The following CAMTA1 variants were observed in gnomAD, a reference collection of about 807,000 sequenced individuals.
CAMTA1 encodes the protein calmodulin binding transcription activator 1, also known as calmodulin-binding transcription activator 1.
CAMTA1 carries 27 observed loss-of-function variants against 170.9 expected under a neutral mutation model. The observed-to-expected ratio is 0.16, with a 90% CI of 0.12 to 0.22. The LOEUF (loss-of-function observed/expected upper bound fraction) is 0.22, where lower values mean the gene tolerates loss of function less well. Ranked by LOEUF, CAMTA1 falls within the 10% of genes least tolerant of loss-of-function variation. CAMTA1 has a pLI of 1.00. For missense variants in CAMTA1, 1,619 were observed against 2,217.2 expected (o/e 0.73, Z 5.42); for synonymous variants, 833 against 891.5 (o/e 0.93, Z 1.17).
chr1:7,095,164 A>AT (rs1641926702), intron 4 of CAMTA1, among the ~76,000 whole-genome samples: 1 of 150,798 alleles, frequency 6.6e-6, no homozygotes, highest in Admixed American at 6.7e-5. Context: ...TTATGTATTC[A>AT]TTACTTGACC....
At chr1:7,754,230 G>C (rs938151627) in intron 21 of CAMTA1, among the ~76,000 whole-genome samples, 7 of 152,132 alleles carry the variant, frequency 4.6e-5, no homozygotes, top group African/African-American at 1.4e-4. Context: ...ATGACACTGT[G>C]GTTAATACTT....
chr1:6,895,761 A>G (rs1389394158), intron 3 of CAMTA1, among the ~76,000 whole-genome samples: 2 of 152,124 alleles, frequency 1.3e-5, no homozygotes, highest in Admixed American at 6.5e-5. Flanking sequence ...GGCTCACCTC[A>G]AATGTTATAT....
At chr1:6,913,112 C>G (rs532860969) in intron 3 of CAMTA1, among the ~76,000 whole-genome samples, 1 of 152,328 alleles carries the variant, frequency 6.6e-6, no homozygotes, top group South Asian at 2.1e-4. Context: ...TAAGTGCTTT[C>G]CTTCCTCTTC....
intron 3 of CAMTA1, among the ~76,000 whole-genome samples, chr1:6,940,331 G>C (rs997043756): frequency 4.6e-5 from 7 of 152,208 alleles, no homozygotes; most frequent in African/African-American, 1.7e-4. Context: ...AAGGTCAGAA[G>C]ACCAAGGCCC....
intron 3 of CAMTA1, among the ~76,000 whole-genome samples, chr1:7,018,860 C>T (rs1700954864): frequency 6.6e-6 from 1 of 152,180 alleles, no homozygotes; most frequent in South Asian, 2.1e-4. Flanking sequence ...CTAGCCTGAC[C>T]TGGTGCTCCG....
chr1:7,192,827 G>A (rs373480246), intron 4 of CAMTA1, among the ~76,000 whole-genome samples: 25 of 152,302 alleles, frequency 1.6e-4, no homozygotes, highest in African/African-American at 5.1e-4. Context: ...TGAATGCAGC[G>A]TCACCGGAAG....
chr1:7,474,033 A>G (rs2093378299), intron 6 of CAMTA1, among the ~76,000 whole-genome samples: 2 of 151,944 alleles, frequency 1.3e-5, no homozygotes, highest in Admixed American at 1.3e-4. Context: ...TTCCGGGGCC[A>G]CCCCCCTGGA....
intron 6 of CAMTA1, among the ~76,000 whole-genome samples, chr1:7,586,415 C>T (rs1478718664): frequency 6.6e-6 from 1 of 152,174 alleles, no homozygotes; most frequent in Non-Finnish European, 1.5e-5. Context: ...GCCAAGGGCA[C>T]TCTTCAGCCT....
chr1:6,990,801 CTCTCTA>C (rs1178130679), intron 3 of CAMTA1, among the ~76,000 whole-genome samples: 5 of 130,176 alleles, frequency 3.8e-5, no homozygotes, highest in African/African-American at 1.6e-4. Flanking sequence ...CTCTCTCTCT[CTCTCTA>C]TATATATATA....
chr1:7,565,098 G>T lies in CAMTA1; in HGVS notation c.511-75302G>T, dbSNP rs2095022766. On this transcript the variant is annotated intron_variant, in intron 6 of 22. Coordinates refer to ENST00000303635, the MANE Select transcript of CAMTA1 (RefSeq NM_015215.4). The surrounding 1 kb of genome is among the most constrained non-coding windows in gnomAD (Gnocchi z 4.5). ...AAAGCAGAGGGGCTGTGGGTGCCAG[G>T]GGGCTCCCTGGGGAGACTCCTGCCA... Among the ~76,000 whole-genome samples, 1 of 151,888 alleles carries T rather than the reference G, an allele frequency of 6.6e-6. No individual in the cohort carries two copies. Among genetic ancestry groups the T allele is most frequent in the Admixed American group, 6.6e-5 (1 of 15,246 alleles).
At chr1:7,149,011 G>A (rs1421677443) in intron 4 of CAMTA1, among the ~76,000 whole-genome samples, 1 of 152,234 alleles carries the variant, frequency 6.6e-6, no homozygotes, top group African/African-American at 2.4e-5. Context: ...GGGGCTTCCT[G>A]CCCTGTGGGC....
intron 4 of CAMTA1, among the ~76,000 whole-genome samples, chr1:7,230,531 C>T (rs974431888): frequency 6.6e-6 from 1 of 151,520 alleles, no homozygotes; most frequent in Non-Finnish European, 1.5e-5. Flanking sequence ...CATCGCCCAT[C>T]ATCTGTACCA....
Position 7,171,956 on chromosome 1 carries a change from G to A in CAMTA1, c.303-77535G>A, listed in dbSNP as rs144540604. On this transcript the variant is annotated intron_variant, in intron 4 of 22. Transcript: ENST00000303635. Reference sequence around the variant, plus strand: ...ACATGTCAGTGCTTAGTTCCTCTTCGTGGTGGAATAATTGTCTATTGTACT... The same window carrying A: ...ACATGTCAGTGCTTAGTTCCTCTTCATGGTGGAATAATTGTCTATTGTACT... Among the ~76,000 whole-genome samples the A allele has an allele frequency of 3.9e-5, 6 of 152,330 alleles. No homozygotes were observed. In the East Asian group the frequency reaches 7.7e-4, roughly 20 times the overall value.
chr1:6,972,579 T>C (rs1442451627), intron 3 of CAMTA1, among the ~76,000 whole-genome samples: 3 of 152,120 alleles, frequency 2.0e-5, no homozygotes, highest in African/African-American at 7.2e-5. Flanking sequence ...GGTGAGCTTA[T>C]GTTCCAGGAG....
chr1:7,284,231 T>G (rs1672019399), intron 5 of CAMTA1, among the ~76,000 whole-genome samples: 1 of 149,222 alleles, frequency 6.7e-6, no homozygotes, highest in Admixed American at 6.7e-5. Context: ...TGAGAAGGAG[T>G]CTTGCTCTGT....
In CAMTA1 at chr1:7,547,498, A is replaced by C. The variant is rs757633111; in HGVS notation, c.510+79597A>C. Reference sequence around the variant, plus strand: ...TTTGTACCAAACATATTTTTTTCTTATGATTATTCCCTAAATAAAACAGTA... The same window carrying C: ...TTTGTACCAAACATATTTTTTTCTTCTGATTATTCCCTAAATAAAACAGTA... On this transcript the variant is annotated intron_variant, in intron 6 of 22. Coordinates refer to ENST00000303635, the MANE Select transcript of CAMTA1 (RefSeq NM_015215.4). This position sits in a 1 kb window ranked among gnomAD's most constrained non-coding sequence, Gnocchi z 5.7. 6.6e-6 allele frequency among the ~76,000 whole-genome samples: 1 copy of C among 152,156 alleles called. No individual in the cohort carries two copies. The highest frequency in any genetic ancestry group is 1.5e-5 in the Non-Finnish European group (1 of 68,020).
intron 3 of CAMTA1, among the ~76,000 whole-genome samples, chr1:6,969,499 G>A (rs1184751996): frequency 6.6e-6 from 1 of 152,182 alleles, no homozygotes; most frequent in Non-Finnish European, 1.5e-5. Context: ...GCGGTGAGGA[G>A]GGCCCAGATG....
In CAMTA1 at chr1:7,091,360, C is replaced by T; in HGVS notation, c.291C>T (p.Ser97=). Residue 97 remains serine, a synonymous_variant, in exon 4 of 23, where the codon TCC becomes TCT. Transcript: ENST00000303635. ...AACACGAAGAATGGCTAACCACCTC[C>T]CCTAAGACAAGGTAATGTCCCAGAT... ...FEKHEEWLTT[S]PKTRPQNGSM... 2 of 1,611,948 alleles carry T rather than the reference C, an allele frequency of 1.2e-6. No individual in the cohort carries two copies. The highest frequency in any genetic ancestry group is 1.1e-5 in the South Asian group (1 of 91,014).
chr1:7,575,630 G>C lies in CAMTA1; in HGVS notation c.511-64770G>C, dbSNP rs1024850484. 3.9e-5 allele frequency among the ~76,000 whole-genome samples: 6 copies of C among 152,206 alleles called. No individual in the cohort carries two copies. In the East Asian group the frequency reaches 5.8e-4, roughly 15 times the overall value. On this transcript the variant is annotated intron_variant, in intron 6 of 22. Coordinates refer to ENST00000303635, the MANE Select transcript of CAMTA1 (RefSeq NM_015215.4). Reference sequence around the variant, plus strand: ...GCCCCAGCAAAACCATGGCCAAAAGGGTTCATCACTTTAAATAACATGTAT... The same window carrying C: ...GCCCCAGCAAAACCATGGCCAAAAGCGTTCATCACTTTAAATAACATGTAT...
Sources: allele counts gnomAD v4.1 joint callset (sites outside exome capture counted in the v4.1 genomes callset), GRCh38; gene constraint gnomAD v4.1.1; non-coding constraint Gnocchi (gnomAD v3.1); transcripts MANE v1.5; gene names NCBI Gene and HGNC (gene_info 2026-07-23, HGNC 2026-07-21).